ETV6: variants seen among roughly 807,000 people sequenced by gnomAD.
ETV6 encodes transcription factor ETV6.
A neutral mutation model predicts 51.1 loss-of-function variants in ETV6; 16 were observed. That is an observed-to-expected ratio of 0.31 (90% CI 0.21 to 0.48). The LOEUF is 0.48. Ranked by LOEUF, ETV6 falls within the 20% of genes least tolerant of loss-of-function variation. The pLI is 0.99. For missense variants in ETV6, 458 were observed against 594.8 expected, an observed-to-expected ratio of 0.77 and a Z score of 2.39; for synonymous variants, 240 against 224.1, an observed-to-expected ratio of 1.07 and a Z score of -0.64.
At chr12:11,651,047 AGTT>A (rs912463439) in intron 1 of ETV6, among the ~76,000 whole-genome samples, 4 of 152,208 alleles carry the variant, frequency 2.6e-5, no homozygotes, top group Non-Finnish European at 5.9e-5. Flanking sequence ...GCTTCTAAAA[AGTT>A]GTTGTAAAGT....
chr12:11,658,912 T>C (rs1001185208), intron 1 of ETV6, among the ~76,000 whole-genome samples: 1 of 152,244 alleles, frequency 6.6e-6, no homozygotes, highest in Non-Finnish European at 1.5e-5. Flanking sequence ...ACTAGCATTA[T>C]TACTCAGCGC....
intron 4 of ETV6, among the ~76,000 whole-genome samples, chr12:11,866,029 T>C (rs1194989609): frequency 2.0e-5 from 3 of 152,178 alleles, no homozygotes; most frequent in Non-Finnish European, 4.4e-5. Context: ...CCACGTGATA[T>C]TGTTCCACAG....
intron 1 of ETV6, among the ~76,000 whole-genome samples, chr12:11,650,558 C>G (rs1863886765): frequency 7.5e-6 from 1 of 133,556 alleles, no homozygotes; most frequent in South Asian, 2.5e-4. Context: ...TGAAATATAA[C>G]TTTTGTTCCC....
At chr12:11,701,250 C>T (rs1864976611) in intron 1 of ETV6, among the ~76,000 whole-genome samples, 2 of 152,262 alleles carry the variant, frequency 1.3e-5, no homozygotes, top group Admixed American at 1.3e-4. Flanking sequence ...ACATCGTCCC[C>T]AGCTGAAACT....
At position 11,891,749 on chromosome 12, in the gene ETV6, G is replaced by A; in HGVS notation, c.*703G>A. 2.4e-6 allele frequency: 1 copy of A among 408,818 alleles called. No homozygotes were observed. Among genetic ancestry groups the A allele is most frequent in the Non-Finnish European group, 4.7e-6 (1 of 213,464 alleles). 25.3% of individuals were successfully genotyped at this position (408,818 alleles called of 1,614,324 possible). On this transcript the variant is annotated 3_prime_UTR_variant, in exon 8 of 8. Transcript: ENST00000396373. ...CCTTCTGACAGAGTTCAGCCTCTTG[G>A]AGAGTCTTGGGGATTGTTGGCACCT...
chr12:11,870,515 A>C lies in ETV6; in HGVS notation c.1009+546A>C, dbSNP rs1946865544. On this transcript the variant is annotated intron_variant, in intron 5 of 7. Transcript: ENST00000396373. ...AGATTCTCTTTCATTTATTATAAGA[A>C]GCCCAAATTTGCTTACTTAAGGGAA... 2.0e-5 allele frequency among the ~76,000 whole-genome samples: 3 copies of C among 152,190 alleles called. No individual in the cohort carries two copies. The South Asian group carries it at 6.2e-4, about 32-fold the overall frequency.
At position 11,894,981 on chromosome 12, in the gene ETV6, A is replaced by C. The variant is rs1158816956; in HGVS notation, c.*3935A>C. On this transcript the variant is annotated 3_prime_UTR_variant, in exon 8 of 8. Coordinates refer to ENST00000396373, the MANE Select transcript of ETV6 (RefSeq NM_001987.5). ...CTGCTCCTCTTCGGAGTAGAAATAA[A>C]GGCTGTGACACAAGGAAGCCAGTGG... 2 of 233,682 alleles carry C rather than the reference A, an allele frequency of 8.6e-6. No individual in the cohort carries two copies. The highest frequency in any genetic ancestry group is 5.6e-5 in the Admixed American group (1 of 17,800). The allele number at this position is 233,682 out of a possible 1,614,324, so 14.5% of individuals were successfully genotyped here. A position where few individuals can be genotyped will look rare whatever the true frequency, so the allele number is the denominator to read the frequency against.
chr12:11,877,598 T>C (rs1313509276), intron 5 of ETV6, among the ~76,000 whole-genome samples: 1 of 152,180 alleles, frequency 6.6e-6, no homozygotes, highest in Non-Finnish European at 1.5e-5. Flanking sequence ...CCTCCCACAC[T>C]ATCTCAGGGA....
At chr12:11,801,964 G>A (rs977230634) in intron 2 of ETV6, among the ~76,000 whole-genome samples, 8 of 152,148 alleles carry the variant, frequency 5.3e-5, no homozygotes, top group South Asian at 4.1e-4. Flanking sequence ...TGATACTCAC[G>A]CCCTCCTGCC....
In ETV6 at chr12:11,887,118, T is replaced by C. The variant is rs570321098; in HGVS notation, c.1253+1092T>C. On this transcript the variant is annotated intron_variant, in intron 7 of 7. Coordinates refer to ENST00000396373, the MANE Select transcript of ETV6 (RefSeq NM_001987.5). Reference sequence around the variant, plus strand: ...GATCTTCAAAAGAAACGGGAAAGGCTCTTCAGGAAAGGGAAACAGAATAGA... The same window carrying C: ...GATCTTCAAAAGAAACGGGAAAGGCCCTTCAGGAAAGGGAAACAGAATAGA... Among the ~76,000 whole-genome samples the C allele has an allele frequency of 1.1e-4, 17 of 152,188 alleles. No individual in the cohort carries two copies. In the South Asian group the frequency reaches 2.3e-3, roughly 20 times the overall value.
intron 1 of ETV6, among the ~76,000 whole-genome samples, chr12:11,654,112 C>G (rs1033729572): frequency 6.6e-6 from 1 of 152,046 alleles, no homozygotes; most frequent in African/African-American, 2.4e-5. Flanking sequence ...CTGCGTCCAG[C>G]GTAATGTTTT....
intron 1 of ETV6, among the ~76,000 whole-genome samples, chr12:11,690,957 G>C (rs1368538165): frequency 6.6e-6 from 1 of 151,698 alleles, no homozygotes. Flanking sequence ...AGTCACTTCA[G>C]GCTGCTATAA....
At chr12:11,868,105 C>T (rs1005421402) in intron 4 of ETV6, among the ~76,000 whole-genome samples, 2 of 152,216 alleles carry the variant, frequency 1.3e-5, no homozygotes, top group Non-Finnish European at 2.9e-5. Flanking sequence ...TCTCTGAGCA[C>T]TCAGGAGCAA....
chr12:11,849,661 G>A (rs2136483265), intron 3 of ETV6, among the ~76,000 whole-genome samples: 2 of 152,316 alleles, frequency 1.3e-5, no homozygotes, highest in Middle Eastern at 6.8e-3. Context: ...CCTCAGCAGA[G>A]AAACTTTCTA....
intron 4 of ETV6, among the ~76,000 whole-genome samples, chr12:11,866,885 TCCCA>T (rs767448178): frequency 4.6e-5 from 7 of 152,196 alleles, no homozygotes; most frequent in Non-Finnish European, 8.8e-5. Flanking sequence ...CCTCTGTGGC[TCCCA>T]CTGTATGGGA....
chr12:11,714,737 A>G (rs1421439582), intron 1 of ETV6, among the ~76,000 whole-genome samples: 1 of 150,958 alleles, frequency 6.6e-6, no homozygotes, highest in African/African-American at 2.4e-5. Flanking sequence ...ACAGTAAGTG[A>G]CTGTTTCAGA....
intron 1 of ETV6, among the ~76,000 whole-genome samples, chr12:11,695,705 C>T (rs1214980089): frequency 1.3e-5 from 2 of 152,150 alleles, no homozygotes; most frequent in Admixed American, 6.5e-5. Flanking sequence ...TTTGTGTTCT[C>T]CAGGCGCCTC....
At chr12:11,716,330 CAAAAAAAAAAAAA>C (rs3049068) in intron 1 of ETV6, among the ~76,000 whole-genome samples, 84 of 58,118 alleles carry the variant, frequency 1.4e-3, no homozygotes, top group African/African-American at 3.9e-3. Flanking sequence ...GACTCCTTCT[CAAAAAAAAAAAAA>C]AAAAAAAAAA....
intron 1 of ETV6, among the ~76,000 whole-genome samples, chr12:11,714,651 A>G (rs11054427): frequency 0.42 from 37,121 of 88,886 alleles, 4,553 homozygotes; most frequent in Non-Finnish European, 0.57. Flanking sequence ...CTTGAGGTGA[A>G]AAAAAAAAAA....
Sources: gnomAD v4.1 joint callset for allele counts (sites outside exome capture counted in the v4.1 genomes callset) on GRCh38, gnomAD v4.1.1 for gene constraint, MANE v1.5 for transcripts, NCBI Gene and HGNC (gene_info 2026-07-23, HGNC 2026-07-21) for gene names.